The following OLA1 variants were observed in gnomAD, a reference collection of about 807,000 sequenced individuals.
OLA1 encodes obg-like ATPase 1.
A neutral mutation model predicts 48.4 loss-of-function variants in OLA1; 14 were observed. The observed-to-expected ratio is 0.29, with a 90% confidence interval of 0.19 to 0.45. OLA1 has a LOEUF of 0.45. Ranked by LOEUF, OLA1 falls within the 20% of genes least tolerant of loss-of-function variation. OLA1 has a pLI of 1.00. For missense variants in OLA1, 325 were observed against 467.1 expected (o/e 0.70, Z 2.80); for synonymous variants, 127 against 150.4 (o/e 0.84, Z 1.14).
intron 7 of OLA1, among the ~76,000 whole-genome samples, chr2:174,116,794 A>G (rs1016512504): frequency 8.5e-5 from 13 of 152,200 alleles, no homozygotes; most frequent in Non-Finnish European, 2.9e-5. Flanking sequence ...ATTCTTTACT[A>G]ACTTGCACTG....
chr2:174,159,503 G>A (rs1359447135), intron 4 of OLA1, among the ~76,000 whole-genome samples: 1 of 152,060 alleles, frequency 6.6e-6, no homozygotes, highest in African/African-American at 2.4e-5. Flanking sequence ...TGTGTTACAT[G>A]TGTACAAAAA....
At chr2:174,141,730 T>A (rs1026040374) in intron 5 of OLA1, 95 bp downstream of exon 5, 7 of 959,012 alleles carry the variant, frequency 7.3e-6, no homozygotes, top group Non-Finnish European at 9.2e-6. Context: ...TAAAATTCCA[T>A]AACAATATTA....
intron 2 of OLA1, among the ~76,000 whole-genome samples, chr2:174,238,404 G>A (rs1688909400): frequency 6.7e-6 from 1 of 148,520 alleles, no homozygotes; most frequent in Non-Finnish European, 1.5e-5. Flanking sequence ...TGAGGCAGGA[G>A]AATCACTTGA....
chr2:174,247,371 T>C (rs1026312708), intron 1 of OLA1: 19 of 259,560 alleles, frequency 7.3e-5, no homozygotes, highest in African/African-American at 4.0e-4. Context: ...GGCTCTGTCT[T>C]AAATAAATAA....
chr2:174,190,944 CAAAA>C (rs774971306), intron 4 of OLA1, among the ~76,000 whole-genome samples: 1 of 32,890 alleles, frequency 3.0e-5, no homozygotes, highest in East Asian at 8.2e-4. Context: ...GACTTCGTCT[CAAAA>C]AAAAAAAAAA....
intron 4 of OLA1, among the ~76,000 whole-genome samples, chr2:174,176,388 A>G (rs1687419747): frequency 6.6e-6 from 1 of 152,166 alleles, no homozygotes; most frequent in South Asian, 2.1e-4. Context: ...AATTTCAAAA[A>G]TTATTTTGGC....
At chr2:174,087,773 T>C (rs1418889659) in intron 7 of OLA1, among the ~76,000 whole-genome samples, 1 of 152,162 alleles carries the variant, frequency 6.6e-6, no homozygotes, top group Non-Finnish European at 1.5e-5. Flanking sequence ...CTTTCTAACC[T>C]TTCAACTACC....
chr2:174,090,033 G>A (rs566232945), intron 7 of OLA1, among the ~76,000 whole-genome samples: 1 of 152,226 alleles, frequency 6.6e-6, no homozygotes, highest in African/African-American at 2.4e-5. Flanking sequence ...CAGCACAGAG[G>A]ACTGTGAAAT....
At chr2:174,188,371 A>AATAATAAT (rs1558995992) in intron 4 of OLA1, among the ~76,000 whole-genome samples, 3 of 149,260 alleles carry the variant, frequency 2.0e-5, no homozygotes, top group African/African-American at 7.4e-5. Context: ...TTCCTCCTAA[A>AATAATAAT]AATAATAATA....
At chr2:174,077,613 T>C (rs904409970) in intron 10 of OLA1, among the ~76,000 whole-genome samples, 13 of 152,070 alleles carry the variant, frequency 8.5e-5, no homozygotes, top group South Asian at 2.1e-4. Context: ...TAAATAGTCT[T>C]ACAAGCAGGA....
In OLA1 at chr2:174,141,867, C is replaced by CA. The variant is rs1686456638; in HGVS notation, c.506_507insT (p.Lys169AsnfsTer9). The stretch of plus-strand genomic sequence containing the variant: ...TTTTATCTCCTCCTCTCACAGCCAC[C>CA]TTTTCTAGTTTATCTATAATGGGCC... On this transcript the variant is annotated frameshift_variant, in exon 5 of 11. Transcript: ENST00000284719. LOFTEE classifies it high-confidence loss of function. The CA allele has an allele frequency of 6.2e-7, 1 of 1,610,084 alleles. No individual in the cohort carries two copies. Among genetic ancestry groups the CA allele is most frequent in the Non-Finnish European group, 8.5e-7 (1 of 1,179,444 alleles).
At chr2:174,126,171 C>T (rs1305840886) in intron 5 of OLA1, among the ~76,000 whole-genome samples, 4 of 151,930 alleles carry the variant, frequency 2.6e-5, no homozygotes, top group South Asian at 4.2e-4. Context: ...TATTCTTTAT[C>T]GGAAAAACTT....
At chr2:174,204,783 T>C (rs78638532) in intron 4 of OLA1, among the ~76,000 whole-genome samples, 2 of 152,086 alleles carry the variant, frequency 1.3e-5, no homozygotes, top group Non-Finnish European at 2.9e-5. Context: ...AGAGGAAAGA[T>C]AGAAGTTTTG....
At position 174,219,908 on chromosome 2, in the gene OLA1, T is replaced by G. The variant is rs529895830; in HGVS notation, c.373+3125A>C. On this transcript the variant is annotated intron_variant, in intron 4 of 10. Transcript: ENST00000284719. ...GCACTTTGGGAGGCTGAGGTGGGCA[T>G]ATCACTTGAGGTGAGGAGTTCAGGA... Among the ~76,000 whole-genome samples, 271 of 152,148 alleles carry G rather than the reference T, an allele frequency of 1.8e-3. 1 individual carries two copies. Among genetic ancestry groups the G allele is most frequent in the African/African-American group, 6.3e-3 (260 of 41,512 alleles).
intron 4 of OLA1, among the ~76,000 whole-genome samples, chr2:174,161,074 G>A (rs1407631171): frequency 6.6e-6 from 1 of 152,118 alleles, no homozygotes; most frequent in African/African-American, 2.4e-5. Flanking sequence ...AAGATCATGA[G>A]TTTCTATTTT....
At chr2:174,089,237 C>G (rs1685053002) in intron 7 of OLA1, among the ~76,000 whole-genome samples, 2 of 152,156 alleles carry the variant, frequency 1.3e-5, no homozygotes, top group Non-Finnish European at 2.9e-5. Flanking sequence ...GAATCTTGAA[C>G]CCCACCTCAG....
chr2:174,165,533 T>C (rs76701758), intron 4 of OLA1, among the ~76,000 whole-genome samples: 7,979 of 152,300 alleles, frequency 0.052, 290 homozygotes, highest in Middle Eastern at 0.13. Flanking sequence ...AAAGATGGTA[T>C]AGAACGAATG....
At chr2:174,126,190 A>G (rs914307788) in intron 5 of OLA1, among the ~76,000 whole-genome samples, 1 of 152,252 alleles carries the variant, frequency 6.6e-6, no homozygotes, top group East Asian at 1.9e-4. Context: ...TTCTAAACAG[A>G]TGAAAGAAAA....
At chr2:174,211,205 A>ACACACACACACC (rs771890298) in intron 4 of OLA1, among the ~76,000 whole-genome samples, 1 of 124,264 alleles carries the variant, frequency 8.0e-6, no homozygotes. Context: ...ACACACACAC[A>ACACACACACACC]CTCTCTCTCT....
Sources: gnomAD v4.1 joint callset for allele counts (sites outside exome capture counted in the v4.1 genomes callset) on GRCh38, gnomAD v4.1.1 for gene constraint, MANE v1.5 for transcripts, NCBI Gene and HGNC (gene_info 2026-07-23, HGNC 2026-07-21) for gene names.